DLG2: variants seen among roughly 807,000 people sequenced by gnomAD.
DLG2 encodes the protein discs large MAGUK scaffold protein 2, also known as disks large homolog 2.
In DLG2, 45 loss-of-function variants were observed where a neutral mutation model predicts 132.5. That is an observed-to-expected ratio of 0.34 (90% confidence interval 0.27 to 0.44). The LOEUF (loss-of-function observed/expected upper bound fraction) is 0.44. DLG2 is among the 20% of genes least tolerant of loss of function. DLG2 has a pLI of 1.00. For synonymous variants in DLG2, 424 were observed against 419.6 expected (o/e 1.01, Z -0.13); for missense variants, 1,045 against 1,196.9 (o/e 0.87, Z 1.87).
chr11:85,204,553 G>T (rs1187417875), intron 4 of DLG2, among the ~76,000 whole-genome samples: 1 of 151,864 alleles, frequency 6.6e-6, no homozygotes, highest in Non-Finnish European at 1.5e-5. Context: ...CAAACAAATA[G>T]AAAGATATCC....
intron 19 of DLG2, among the ~76,000 whole-genome samples, chr11:83,563,902 C>T (rs988045631): frequency 6.6e-6 from 1 of 152,204 alleles, no homozygotes; most frequent in African/African-American, 2.4e-5. Context: ...GTCTCAAGCA[C>T]TTCACTGTCT....
chr11:83,493,848 G>A (rs6592117), intron 21 of DLG2, among the ~76,000 whole-genome samples: 93,522 of 152,012 alleles, frequency 0.62, 29,385 homozygotes, highest in African/African-American at 0.73. Context: ...TTCATCATGT[G>A]TGGAGCTGTT....
chr11:85,504,550 C>G (rs2093882832), intron 3 of DLG2, among the ~76,000 whole-genome samples: 2 of 152,142 alleles, frequency 1.3e-5, no homozygotes, highest in Admixed American at 1.3e-4. Flanking sequence ...TCTGAGGACT[C>G]TGTTCTGTTC....
chr11:83,912,419 T>C (rs2076230446), intron 15 of DLG2, among the ~76,000 whole-genome samples: 2 of 152,062 alleles, frequency 1.3e-5, no homozygotes, highest in Non-Finnish European at 2.9e-5. Context: ...TCAAACACAG[T>C]GTCTACCAAA....
At chr11:84,600,159 GGAAAGAAAGAAA>G (rs1181993623) in intron 6 of DLG2, among the ~76,000 whole-genome samples, 2,755 of 96,096 alleles carry the variant, frequency 0.029, 35 homozygotes, top group Non-Finnish European at 0.034. Flanking sequence ...AAAGAAAGAA[GGAAAGAAAGAAA>G]GAAAGAAAGA....
At chr11:85,414,666 G>C (rs2089658186) in intron 3 of DLG2, among the ~76,000 whole-genome samples, 1 of 151,908 alleles carries the variant, frequency 6.6e-6, no homozygotes, top group Non-Finnish European at 1.5e-5. Flanking sequence ...TTTCTCTCTT[G>C]ATGATCACTC....
chr11:84,356,977 C>T (rs749134097), intron 7 of DLG2, among the ~76,000 whole-genome samples: 3 of 151,940 alleles, frequency 2.0e-5, no homozygotes, highest in Non-Finnish European at 4.4e-5. Context: ...GTTTGATGTG[C>T]TCAAGAATGA....
intron 6 of DLG2, among the ~76,000 whole-genome samples, chr11:84,694,114 C>A (rs1379613333): frequency 6.6e-6 from 1 of 151,432 alleles, no homozygotes; most frequent in Non-Finnish European, 1.5e-5. Context: ...ATCATAGGAG[C>A]CAAACAAGTA....
intron 3 of DLG2, among the ~76,000 whole-genome samples, chr11:85,389,166 C>T (rs186160038): frequency 3.0e-4 from 46 of 152,020 alleles, no homozygotes; most frequent in Non-Finnish European, 6.0e-4. Flanking sequence ...AAAAAACAAT[C>T]GCAACTTCTG....
intron 19 of DLG2, among the ~76,000 whole-genome samples, chr11:83,544,715 C>T (rs1431220574): frequency 1.3e-5 from 2 of 152,002 alleles, no homozygotes; most frequent in East Asian, 1.9e-4. Flanking sequence ...TCACAGCAAC[C>T]CTAAAGGTAA....
intron 4 of DLG2, among the ~76,000 whole-genome samples, chr11:85,267,894 G>GTA (rs71778346): frequency 6.6e-6 from 1 of 151,782 alleles, no homozygotes; most frequent in East Asian, 1.9e-4. Flanking sequence ...ATGTGTGTGT[G>GTA]TGTGTGTGTG....
At chr11:85,345,920 A>C (rs1379759372) in intron 3 of DLG2, among the ~76,000 whole-genome samples, 1 of 152,098 alleles carries the variant, frequency 6.6e-6, no homozygotes, top group Non-Finnish European at 1.5e-5. Context: ...GACAAATGAG[A>C]TTCATGGTGT....
chr11:85,502,963 T>C (rs1371535307), intron 3 of DLG2, among the ~76,000 whole-genome samples: 1 of 152,002 alleles, frequency 6.6e-6, no homozygotes, highest in Non-Finnish European at 1.5e-5. Flanking sequence ...TACAGCATAA[T>C]CCTGCAATAG....
intron 8 of DLG2, among the ~76,000 whole-genome samples, chr11:84,203,410 G>A (rs536254751): frequency 1.2e-4 from 18 of 151,820 alleles, no homozygotes; most frequent in Admixed American, 4.6e-4. Context: ...GTGAAACCCC[G>A]TCTCTACTAA....
At chr11:84,326,977 AT>A (rs200891745) in intron 7 of DLG2, among the ~76,000 whole-genome samples, 2 of 151,802 alleles carry the variant, frequency 1.3e-5, no homozygotes, top group African/African-American at 4.8e-5. Context: ...CCTTCTTTAT[AT>A]TTTTTAACAT....
intron 6 of DLG2, among the ~76,000 whole-genome samples, chr11:84,949,741 G>T (rs902222670): frequency 4.6e-5 from 7 of 152,122 alleles, no homozygotes; most frequent in Middle Eastern, 3.4e-3. Flanking sequence ...CATTTTTCAG[G>T]GTGCCCACAT....
intron 7 of DLG2, among the ~76,000 whole-genome samples, chr11:84,366,178 A>C (rs1254855265): frequency 1.3e-5 from 2 of 152,014 alleles, no homozygotes; most frequent in African/African-American, 4.8e-5. Context: ...TAAAGAAAAG[A>C]ATTTTCAACC....
At chr11:85,500,388 T>G (rs188064535) in intron 3 of DLG2, among the ~76,000 whole-genome samples, 4,010 of 71,558 alleles carry the variant, frequency 0.056, 49 homozygotes, top group Admixed American at 0.1. Context: ...CTGGGGACTG[T>G]GGTGGGGTCG....
intron 6 of DLG2, among the ~76,000 whole-genome samples, chr11:84,766,608 C>A (rs754603443): frequency 6.6e-6 from 1 of 152,160 alleles, no homozygotes; most frequent in East Asian, 1.9e-4. Context: ...AATTAACCGA[C>A]TTACTGGATC....
Sources: gnomAD v4.1 joint callset for allele counts (sites outside exome capture counted in the v4.1 genomes callset) on GRCh38, gnomAD v4.1.1 for gene constraint, MANE v1.5 for transcripts, NCBI Gene and HGNC (gene_info 2026-07-23, HGNC 2026-07-21) for gene names.